Variants in FBN3 observed in about 807,000 individuals in gnomAD.
FBN3 encodes fibrillin-3.
Under a neutral mutation model 330.1 loss-of-function variants are expected in FBN3, and 234 were observed. That is an observed-to-expected ratio of 0.71 (90% CI 0.64 to 0.79). The LOEUF (loss-of-function observed/expected upper bound fraction) is 0.79, where lower values mean the gene tolerates loss of function less well. Among genes scored for constraint, FBN3 ranks in the 30% least tolerant of loss-of-function variants. The pLI, the probability that FBN3 is intolerant of heterozygous loss-of-function variation, is 0.00. For missense variants in FBN3, 3,606 were observed against 3,886.9 expected (o/e 0.93, Z 1.92); for synonymous variants, 1,458 against 1,517.3 (o/e 0.96, Z 0.91).
rs756893543 is a variant in FBN3 at position 8,109,327 on chromosome 19, G to A, written c.4518C>T (p.Cys1506=). The A allele has an allele frequency of 6.8e-6, 11 of 1,614,070 alleles. No individual in the cohort carries two copies. The highest frequency in any genetic ancestry group is 4.0e-5 in the African/African-American group (3 of 74,918). ...TGACACCAACTCCGATCTCGGCACT[G>A]CAGGAAATGCCACTGTCCCCTCGGT... ...THDRGDSGIS[C]SAEIGVGVTR... Residue 1506 remains cysteine, a synonymous_variant, in exon 36 of 64, where the codon TGC becomes TGT. Transcript: ENST00000600128. The surrounding 1 kb of genome is among the most constrained non-coding windows in gnomAD (Gnocchi z 5.2).
In FBN3 at chr19:8,136,212, C is replaced by A; in HGVS notation, c.1443G>T (p.Thr481=). The change falls in exon 12 of 64, where the codon ACG becomes ACT. Residue 481 remains threonine, a synonymous_variant. Coordinates refer to ENST00000600128, the MANE Select transcript of FBN3 (RefSeq NM_032447.5). ...TACCCACGCATGCCTGCCTGGTGGG[C>A]GTGGCCTGGAAGCCCGGGTAGCACC... ...HCRCYPGFQA[T]PTRQACVDVD... The A allele has an allele frequency of 6.2e-7, 1 of 1,613,126 alleles. No homozygotes were observed. The highest frequency in any genetic ancestry group is 1.7e-4 in the Middle Eastern group (1 of 6,056).
chr19:8,096,609 C>A lies in FBN3; in HGVS notation c.5414-40G>T. The A allele has an allele frequency of 6.4e-7, 1 of 1,574,220 alleles. No homozygotes were observed. Among genetic ancestry groups the A allele is most frequent in the South Asian group, 1.2e-5 (1 of 86,376 alleles). On this transcript the variant is annotated intron_variant, in intron 43 of 63. Coordinates refer to ENST00000600128, the MANE Select transcript of FBN3 (RefSeq NM_032447.5). The surrounding 1 kb of genome is among the most constrained non-coding windows in gnomAD (Gnocchi z 4.6). ...AGCATGGTGTTCCCAGGGCTCCTAC[C>A]ACAGTGTTTGCCTGAGCTCTCCCTA...
intron 32 of FBN3, 74 bp from the exon 33 acceptor site, chr19:8,111,257 G>A: frequency 6.7e-7 from 1 of 1,501,328 alleles, no homozygotes; most frequent in Non-Finnish European, 8.9e-7. Flanking sequence ...GGAGGCCCCA[G>A]TCACTGGAAC....
chr19:8,133,845 T>C (rs1338796314), intron 13 of FBN3, among the ~76,000 whole-genome samples: 2 of 152,012 alleles, frequency 1.3e-5, no homozygotes, highest in African/African-American at 2.4e-5. Context: ...AAGACCATGG[T>C]CTAATTTAAT....
At position 8,126,777 on chromosome 19, in the gene FBN3, G is replaced by A. The variant is rs200569494; in HGVS notation, c.2352C>T (p.Ala784=). ...GGCCACATTTGCAGGTGTAGGAGCC[G>A]GCCAGGTTCCGACAGACGCCACTCA... is the stretch of plus-strand genomic sequence containing the variant. ...PCVSGVCRNL[A]GSYTCKCGPG... Residue 784 remains alanine (A), a synonymous_variant, in exon 19 of 64, where the codon GCC becomes GCT. Coordinates refer to ENST00000600128, the MANE Select transcript of FBN3 (RefSeq NM_032447.5). The A allele has an allele frequency of 2.6e-5, 42 of 1,593,190 alleles. No homozygotes were observed. The East Asian group carries it at 5.1e-4, about 19-fold the overall frequency.
chr19:8,097,672 C>A (rs1469234377), intron 41 of FBN3, among the ~76,000 whole-genome samples: 2 of 152,198 alleles, frequency 1.3e-5, no homozygotes, highest in African/African-American at 2.4e-5. Flanking sequence ...GACCCAGCAA[C>A]CCTGCTGGAA....
chr19:8,104,948 T>C lies in FBN3; in HGVS notation c.4813+1160A>G, dbSNP rs1370050064. Among the ~76,000 whole-genome samples, 3 of 151,900 alleles carry C rather than the reference T, an allele frequency of 2.0e-5. No individual in the cohort carries two copies. The East Asian group carries it at 5.8e-4, about 29-fold the overall frequency. ...TTCTCTTTCTTTCTCTCTCTTTCTC[T>C]CTCTTTCTTTCTTTTATTTTTTTTG... On this transcript the variant is annotated intron_variant, in intron 38 of 63. Transcript: ENST00000600128.
rs763770874 is a variant in FBN3, at chr19:8,136,536, G to A, written c.1202-5C>T. ...TCTGGTTCAGGGTAGCAGTGCCTAC[G>A]GGTGGGGCCGGCAGAGGCATCTGAG... On this transcript the variant is annotated splice_polypyrimidine_tract_variant and splice_region_variant and intron_variant, in intron 10 of 63. Transcript: ENST00000600128. 38 of 1,613,754 alleles carry A rather than the reference G, an allele frequency of 2.4e-5. No individual in the cohort carries two copies. The highest frequency in any genetic ancestry group is 2.2e-4 in the East Asian group (10 of 44,880).
At chr19:8,135,935 T>TTGGGGGGGGGGGGGGGCGC in intron 13 of FBN3, 26 bp downstream of exon 13, 1 of 1,344,156 alleles carries the variant, frequency 7.4e-7, no homozygotes, top group Non-Finnish European at 1.0e-6. Context: ...CGGAAGCCCC[T>TTGGGGGGGGGGGGGGGCGC]GCCCACCCGC....
rs1176525610 is a variant in FBN3, at chr19:8,121,467, G to A, written c.3083-81C>T. On this transcript the variant is annotated intron_variant, in intron 24 of 63. Transcript: ENST00000600128. This position sits in a 1 kb window ranked among gnomAD's most constrained non-coding sequence, Gnocchi z 4.5. Reference sequence around the variant, plus strand: ...CGAGGCAGGGGGGTCCCTGTCCTTTGATGGAGGTGTGGGCTAGAGGAAGCC... The same window carrying A: ...CGAGGCAGGGGGGTCCCTGTCCTTTAATGGAGGTGTGGGCTAGAGGAAGCC... The A allele has an allele frequency of 6.4e-6, 9 of 1,395,982 alleles. No individual in the cohort carries two copies. In the East Asian group the frequency reaches 7.6e-5, roughly 12 times the overall value. 86.5% of individuals were successfully genotyped at this position (1,395,982 alleles called of 1,614,324 possible).
intron 30 of FBN3, among the ~76,000 whole-genome samples, chr19:8,113,623 CCAGGAGTTTAAGGCT>C (rs1311798389): frequency 1.3e-5 from 2 of 151,892 alleles, no homozygotes; most frequent in Non-Finnish European, 2.9e-5. Context: ...TTGCTTGAAC[CCAGGAGTTTAAGGCT>C]ATGAACTAGT....
chr19:8,116,057 T>A (rs1053321099), intron 29 of FBN3, among the ~76,000 whole-genome samples: 2 of 152,120 alleles, frequency 1.3e-5, no homozygotes, highest in Non-Finnish European at 2.9e-5. Flanking sequence ...ACAAGGCCCA[T>A]CGCTGAAGCA....
At chr19:8,126,432 C>T (rs768361349) in intron 20 of FBN3, 36 bp downstream of exon 20, 9 of 1,601,232 alleles carry the variant, frequency 5.6e-6, no homozygotes, top group Non-Finnish European at 7.7e-6. Flanking sequence ...AGGGCTTTTC[C>T]CATGGGTGCC....
In FBN3 at chr19:8,109,356, G is replaced by C; in HGVS notation, c.4489C>G (p.His1497Asp). 3 of 1,614,196 alleles carry C rather than the reference G, an allele frequency of 1.9e-6. No individual in the cohort carries two copies. Among genetic ancestry groups the C allele is most frequent in the Non-Finnish European group, 2.5e-6 (3 of 1,180,036 alleles). ...GAAATGCCACTGTCCCCTCGGTCAT[G>C]CGTCTCCAGGAAACAGTTCCCGGCC... is the stretch of plus-strand genomic sequence containing the variant. The part of the protein sequence containing the change: ...TRAGNCFLET[H>D]DRGDSGISCS... Residue 1497 changes from histidine (H) to aspartate (D), a missense_variant, in exon 36 of 64, where the codon CAT becomes GAT. Coordinates refer to ENST00000600128, the MANE Select transcript of FBN3 (RefSeq NM_032447.5). The surrounding 1 kb of genome is among the most constrained non-coding windows in gnomAD (Gnocchi z 5.2).
chr19:8,086,381 C>T lies in FBN3; in HGVS notation c.6755-56G>A, dbSNP rs986596796. The T allele has an allele frequency of 2.0e-6, 3 of 1,471,276 alleles. No individual in the cohort carries two copies. The East Asian group carries it at 7.3e-5, about 36-fold the overall frequency. 91.1% of individuals were successfully genotyped at this position (1,471,276 alleles called of 1,614,324 possible). A position where few individuals can be genotyped will look rare whatever the true frequency, so the allele number is the denominator to read the frequency against. The stretch of plus-strand genomic sequence containing the variant: ...GGGAGGCCACAGGCAGCCAGCCTCT[C>T]CCACAGCCCCAAAGGGCCCCTTTGG... On this transcript the variant is annotated intron_variant, in intron 54 of 63. Coordinates refer to ENST00000600128, the MANE Select transcript of FBN3 (RefSeq NM_032447.5).
In FBN3 at chr19:8,089,789, C is replaced by CCA. The variant is rs546465900; in HGVS notation, c.6250+103_6250+104dup. ...AGCCCCAGGCTGGCAGGGTCCAGGG[C>CCA]CACCCAGGCTCTCAGGGGGAGCCTG... On this transcript the variant is annotated intron_variant, in intron 50 of 63. Coordinates refer to ENST00000600128, the MANE Select transcript of FBN3 (RefSeq NM_032447.5). 104 of 1,544,632 alleles carry CCA rather than the reference C, an allele frequency of 6.7e-5. 1 individual carries two copies. The South Asian group carries it at 1.2e-3, about 18-fold the overall frequency.
intron 8 of FBN3, among the ~76,000 whole-genome samples, chr19:8,140,864 C>T (rs890524107): frequency 1.3e-5 from 2 of 152,114 alleles, no homozygotes; most frequent in African/African-American, 4.8e-5. Context: ...CCAATGCCAG[C>T]TGTGATGGCC....
rs757847569 is a variant in FBN3 at position 8,129,399 on chromosome 19, G to C, written c.2045-34C>G. The C allele has an allele frequency of 1.2e-6, 2 of 1,610,434 alleles. No homozygotes were observed. Among genetic ancestry groups the C allele is most frequent in the Non-Finnish European group, 1.7e-6 (2 of 1,178,160 alleles). On this transcript the variant is annotated intron_variant, in intron 16 of 63. Transcript: ENST00000600128. This position sits in a 1 kb window ranked among gnomAD's most constrained non-coding sequence, Gnocchi z 4.5. ...GGAGGAGGGTGTGTCAGCAGCAGCAGAAGGAGGGTGTGTCCGAGGCAGGAG... is the reference window on the plus strand; with the variant it reads ...GGAGGAGGGTGTGTCAGCAGCAGCACAAGGAGGGTGTGTCCGAGGCAGGAG...
At position 8,142,047 on chromosome 19, in the gene FBN3, C is replaced by A. The variant is rs1162321200; in HGVS notation, c.632G>T (p.Cys211Phe). The A allele has an allele frequency of 8.7e-6, 14 of 1,614,172 alleles. No homozygotes were observed. Among genetic ancestry groups the A allele is most frequent in the Non-Finnish European group, 1.1e-5 (13 of 1,180,018 alleles). The change falls in exon 7 of 64, where the codon TGT becomes TTT. Residue 211 changes from cysteine (C) to phenylalanine (F), a missense_variant. By Grantham distance (205) the Cys-to-Phe change is radical (BLOSUM62 -2). Coordinates refer to ENST00000600128, the MANE Select transcript of FBN3 (RefSeq NM_032447.5). ...GCCCCAGGCACGGCCCACAGTGGCA[C>A]AGCAAAGTGCCTTGGTGCACACGAG... ...TGLVCTKALC[C>F]ATVGRAWGLP...
Sources: gnomAD v4.1 joint callset for allele counts (sites outside exome capture counted in the v4.1 genomes callset) on GRCh38, gnomAD v4.1.1 for gene constraint, Gnocchi (gnomAD v3.1) non-coding constraint, MANE v1.5 for transcripts, NCBI Gene and HGNC (gene_info 2026-07-23, HGNC 2026-07-21) for gene names.